The following GRID2 variants were observed in gnomAD, a reference collection of about 807,000 sequenced individuals.
The protein encoded by GRID2 is glutamate receptor ionotropic, delta-2.
A neutral mutation model predicts 114.8 loss-of-function variants in GRID2; 33 were observed. That is an observed-to-expected ratio of 0.29 (90% CI 0.22 to 0.38). The LOEUF (loss-of-function observed/expected upper bound fraction) is 0.38, where lower values mean the gene tolerates loss of function less well. Among genes scored for constraint, GRID2 ranks in the 10% least tolerant of loss-of-function variants. The pLI is 1.00. For synonymous variants in GRID2, 505 were observed against 449.9 expected (o/e 1.12, Z -1.55); for missense variants, 1,184 against 1,257.7 (o/e 0.94, Z 0.89).
chr4:92,733,012 CAG>C (rs1736402995), intron 2 of GRID2, among the ~76,000 whole-genome samples: 1 of 151,952 alleles, frequency 6.6e-6, no homozygotes, highest in African/African-American at 2.4e-5. Flanking sequence ...AAAACAGAAA[CAG>C]ATACCCACAA....
chr4:92,548,060 A>G (rs1489007490), intron 1 of GRID2, among the ~76,000 whole-genome samples: 4 of 152,190 alleles, frequency 2.6e-5, no homozygotes, highest in Non-Finnish European at 5.9e-5. Flanking sequence ...GTATACATCT[A>G]GAATGGTACT....
intron 8 of GRID2, among the ~76,000 whole-genome samples, chr4:93,263,489 T>G (rs1352711855): frequency 6.6e-6 from 1 of 152,092 alleles, no homozygotes; most frequent in Non-Finnish European, 1.5e-5. Flanking sequence ...AATAATTGAA[T>G]AATTTTCTAT....
chr4:92,912,187 T>G (rs2149491960), intron 2 of GRID2, among the ~76,000 whole-genome samples: 1 of 151,974 alleles, frequency 6.6e-6, no homozygotes, highest in Non-Finnish European at 1.5e-5. Flanking sequence ...CAAAGTAAAA[T>G]GAAACAATTT....
intron 14 of GRID2, among the ~76,000 whole-genome samples, chr4:93,755,049 G>A (rs1434945479): frequency 2.0e-5 from 3 of 152,122 alleles, no homozygotes; most frequent in Non-Finnish European, 4.4e-5. Flanking sequence ...CATTATCATG[G>A]AAAATAGCAA....
At chr4:93,070,845 G>T (rs1232149412) in intron 2 of GRID2, among the ~76,000 whole-genome samples, 2 of 151,998 alleles carry the variant, frequency 1.3e-5, no homozygotes, top group African/African-American at 4.8e-5. Context: ...GACTGTACTT[G>T]ATATATCACT....
chr4:92,770,866 G>C (rs1167159195), intron 2 of GRID2, among the ~76,000 whole-genome samples: 1 of 152,010 alleles, frequency 6.6e-6, no homozygotes, highest in African/African-American at 2.4e-5. Flanking sequence ...ATATCCCCTG[G>C]TCTGATTTTT....
At chr4:93,543,657 G>T (rs1732880038) in intron 13 of GRID2, among the ~76,000 whole-genome samples, 1 of 150,774 alleles carries the variant, frequency 6.6e-6, no homozygotes, top group South Asian at 2.1e-4. Flanking sequence ...TAAGGGCAAG[G>T]GAGTGAGAGC....
chr4:92,795,591 C>A (rs1739823610), intron 2 of GRID2, among the ~76,000 whole-genome samples: 1 of 151,934 alleles, frequency 6.6e-6, no homozygotes, highest in Admixed American at 6.6e-5. Context: ...TTTGCTTTTT[C>A]ACTTCTCTAA....
At chr4:93,212,171 C>A (rs1026405005) in intron 5 of GRID2, among the ~76,000 whole-genome samples, 1 of 152,042 alleles carries the variant, frequency 6.6e-6, no homozygotes, top group African/African-American at 2.4e-5. Context: ...ACGTGGAGAA[C>A]ATGAATCTGT....
At chr4:93,032,429 A>G (rs938650771) in intron 2 of GRID2, among the ~76,000 whole-genome samples, 5 of 152,136 alleles carry the variant, frequency 3.3e-5, no homozygotes, top group African/African-American at 7.2e-5. Flanking sequence ...GATTTTTTTT[A>G]AAGAAATAAA....
chr4:93,802,042 T>G (rs539616452), intron 1 of GRID2, among the ~76,000 whole-genome samples: 3 of 152,222 alleles, frequency 2.0e-5, no homozygotes, highest in Non-Finnish European at 4.4e-5. Flanking sequence ...CATCCAGGCC[T>G]GGAGCTTTCT....
chr4:93,607,354 A>G (rs1740359164), intron 13 of GRID2, among the ~76,000 whole-genome samples: 1 of 152,138 alleles, frequency 6.6e-6, no homozygotes, highest in Admixed American at 6.5e-5. Flanking sequence ...AACACATCGT[A>G]GAAATCCTTC....
intron 1 of GRID2, among the ~76,000 whole-genome samples, chr4:92,567,807 CTATT>C (rs1727407500): frequency 6.6e-6 from 1 of 152,124 alleles, no homozygotes; most frequent in Admixed American, 6.6e-5. Flanking sequence ...TTTTATCTAT[CTATT>C]CAATGAATTT....
At chr4:93,423,336 C>CTTTCTTTTTTTTTTTT (rs1768501442) in intron 10 of GRID2, among the ~76,000 whole-genome samples, 1 of 73,570 alleles carries the variant, frequency 1.4e-5, no homozygotes, top group African/African-American at 5.7e-5. Flanking sequence ...TTTTTTCTTT[C>CTTTCTTTTTTTTTTTT]TTTTTTTTTT....
At chr4:93,217,527 T>C (rs1206038537) in intron 6 of GRID2, among the ~76,000 whole-genome samples, 2 of 152,104 alleles carry the variant, frequency 1.3e-5, no homozygotes, top group African/African-American at 4.8e-5. Context: ...ACTTGAAGCC[T>C]ATTTCTTTTT....
intron 1 of GRID2, among the ~76,000 whole-genome samples, chr4:92,414,475 G>A (rs1379942772): frequency 6.6e-6 from 1 of 152,204 alleles, no homozygotes; most frequent in East Asian, 1.9e-4. Flanking sequence ...AAGCAATAGA[G>A]TTAACATTTT....
In GRID2 at chr4:92,990,281, GTGTGTGTA is replaced by G. The variant is rs1263317433; in HGVS notation, c.245-94712_245-94705del. Among the ~76,000 whole-genome samples, 30 of 50,172 alleles carry G rather than the reference GTGTGTGTA, an allele frequency of 6.0e-4. 1 individual carries two copies. Among genetic ancestry groups the G allele is most frequent in the African/African-American group, 1.8e-3 (30 of 16,886 alleles). The allele number at this position is 50,172 out of a possible 152,430, so 32.9% of individuals were successfully genotyped here. On this transcript the variant is annotated intron_variant, in intron 2 of 15. Coordinates refer to ENST00000282020, the MANE Select transcript of GRID2 (RefSeq NM_001510.4). Reference sequence around the variant, plus strand: ...TGTATATATATATGTACGTAGATATGTGTGTGTATATATATATATATATATGTGTGTGT... The same window carrying G: ...TGTATATATATATGTACGTAGATATGTATATATATATATATATGTGTGTGT...
intron 1 of GRID2, among the ~76,000 whole-genome samples, chr4:92,325,806 A>G (rs970373995): frequency 6.6e-6 from 1 of 151,730 alleles, no homozygotes; most frequent in Non-Finnish European, 1.5e-5. Flanking sequence ...TTATACTTTT[A>G]TATCTTTAAA....
At chr4:93,319,132 T>C (rs1249629836) in intron 8 of GRID2, among the ~76,000 whole-genome samples, 3 of 152,074 alleles carry the variant, frequency 2.0e-5, no homozygotes, top group Non-Finnish European at 4.4e-5. Context: ...CACTACTTAG[T>C]ATCTCCCCAA....
Sources: gnomAD v4.1 joint callset for allele counts (sites outside exome capture counted in the v4.1 genomes callset) on GRCh38, gnomAD v4.1.1 for gene constraint, MANE v1.5 for transcripts, NCBI Gene and HGNC (gene_info 2026-07-23, HGNC 2026-07-21) for gene names.